The following RALGAPB variants were observed in gnomAD, a reference collection of about 807,000 sequenced individuals.
The protein encoded by RALGAPB is Ral GTPase activating protein non-catalytic subunit beta.
Under a neutral mutation model 161.1 loss-of-function variants are expected in RALGAPB, and 25 were observed. The ratio of observed to expected loss-of-function variants is 0.16; its 90% confidence interval spans 0.11 to 0.22. RALGAPB has a LOEUF of 0.22. Among genes scored for constraint, RALGAPB ranks in the 10% least tolerant of loss-of-function variants. RALGAPB has a pLI of 1.00. For missense variants in RALGAPB, 1,391 were observed against 1,815.2 expected (o/e 0.77, Z 4.25); for synonymous variants, 629 against 626.1 (o/e 1.00, Z -0.07).
At chr20:38,484,625 G>C (rs2085065535) in intron 1 of RALGAPB, among the ~76,000 whole-genome samples, 1 of 152,140 alleles carries the variant, frequency 6.6e-6, no homozygotes, top group Admixed American at 6.5e-5. Flanking sequence ...CAGATTTTCT[G>C]TGTCTCTTCA....
At chr20:38,553,788 A>AAC (rs1386429773) in intron 21 of RALGAPB, 79 bp from the exon 22 acceptor site, 6 of 793,298 alleles carry the variant, frequency 7.6e-6, no homozygotes, top group East Asian at 6.4e-5. Context: ...AAAAAAAAAA[A>AAC]AAAAAAAAAA....
intron 23 of RALGAPB, among the ~76,000 whole-genome samples, chr20:38,559,565 G>T (rs781096129): frequency 6.6e-6 from 1 of 152,130 alleles, no homozygotes; most frequent in Non-Finnish European, 1.5e-5. Context: ...GTGGTGGCAG[G>T]CACCTGTAGT....
chr20:38,574,076 G>T, intron 28 of RALGAPB, 74 bp from the exon 29 acceptor site: 2 of 1,443,528 alleles, frequency 1.4e-6, no homozygotes, highest in Non-Finnish European at 1.9e-6. Flanking sequence ...GCTATATGTG[G>T]GGGACTTCAA....
chr20:38,554,242 A>G (rs1032491123), intron 22 of RALGAPB, among the ~76,000 whole-genome samples, 166 bp downstream of exon 22: 1 of 152,002 alleles, frequency 6.6e-6, no homozygotes, highest in Non-Finnish European at 1.5e-5. Context: ...TGTAGGTTAT[A>G]GTTTGTGCTC....
At chr20:38,486,584 CT>C (rs1018147566) in intron 1 of RALGAPB, among the ~76,000 whole-genome samples, 2 of 152,146 alleles carry the variant, frequency 1.3e-5, no homozygotes, top group African/African-American at 2.4e-5. Flanking sequence ...CTTTCCTCCC[CT>C]GATGATTCTT....
chr20:38,526,790 CCTGAAAAT>C (rs2086485724), intron 13 of RALGAPB, among the ~76,000 whole-genome samples: 1 of 152,062 alleles, frequency 6.6e-6, no homozygotes, highest in African/African-American at 2.4e-5. Context: ...GTCTTATCTC[CCTGAAAAT>C]CTTCAGAGAG....
chr20:38,575,764 A>G lies in RALGAPB; in HGVS notation c.*797A>G, dbSNP rs1335993479. On this transcript the variant is annotated 3_prime_UTR_variant, in exon 30 of 30. Coordinates refer to ENST00000262879, the MANE Select transcript of RALGAPB (RefSeq NM_020336.4). ...CATTATTGTCCAGCGGGGTGACATA[A>G]TGACAGGTTAAATATTTGTGATTCA... is the stretch of plus-strand genomic sequence containing the variant. The G allele has an allele frequency of 2.0e-5, 3 of 152,316 alleles. No individual in the cohort carries two copies. Among genetic ancestry groups the G allele is most frequent in the Non-Finnish European group, 4.4e-5 (3 of 68,040 alleles). 9.4% of individuals were successfully genotyped at this position (152,316 alleles called of 1,614,324 possible). A position where few individuals can be genotyped will look rare whatever the true frequency, so the allele number is the denominator to read the frequency against.
Position 38,531,189 on chromosome 20 carries a change from A to G in RALGAPB, c.2073A>G (p.Gln691=). 1 of 1,610,856 alleles carries G rather than the reference A, an allele frequency of 6.2e-7. No homozygotes were observed. Among genetic ancestry groups the G allele is most frequent in the Non-Finnish European group, 8.5e-7 (1 of 1,177,220 alleles). ...MILGAMLNIV[Q]DSALLEAIGC... is the part of the protein sequence containing the mutation. ...TAGGGGCAATGTTAAATATTGTTCA[A>G]GATTCAGCACTTTTGGAAGCCATTG... is the stretch of plus-strand genomic sequence containing the variant. The change falls in exon 14 of 30, where the codon CAA becomes CAG. Residue 691 remains glutamine, a synonymous_variant. Transcript: ENST00000262879.
intron 11 of RALGAPB, among the ~76,000 whole-genome samples, 163 bp from the exon 12 acceptor site, chr20:38,525,241 A>G (rs2086423164): frequency 1.3e-5 from 2 of 152,358 alleles, no homozygotes; most frequent in East Asian, 1.9e-4. Context: ...AAAGAAATCA[A>G]TCAATCAACT....
chr20:38,510,706 C>G lies in RALGAPB; in HGVS notation c.872+1498C>G, dbSNP rs561847932. 1.7e-5 allele frequency among the ~76,000 whole-genome samples: 2 copies of G among 120,534 alleles called. 1 individual carries two copies. The highest frequency in any genetic ancestry group is 1.3e-4 in the African/African-American group (2 of 15,620). 79.1% of individuals were successfully genotyped at this position (120,534 alleles called of 152,430 possible). A position where few individuals can be genotyped will look rare whatever the true frequency, so the allele number is the denominator to read the frequency against. ...CGGGCGGATCACGAGGTCAGGAGAT[C>G]GAGACCATCCCGGCTAAAACGGTGA... On this transcript the variant is annotated intron_variant, in intron 6 of 29. Coordinates refer to ENST00000262879, the MANE Select transcript of RALGAPB (RefSeq NM_020336.4).
chr20:38,512,198 C>A (rs1309695823), intron 6 of RALGAPB, among the ~76,000 whole-genome samples: 1 of 152,152 alleles, frequency 6.6e-6, no homozygotes, highest in Non-Finnish European at 1.5e-5. Context: ...TTTTTTACTG[C>A]ATGTTATTTT....
Position 38,553,877 on chromosome 20 carries a change from G to A in RALGAPB, c.3173G>A (p.Arg1058Lys). The change falls in exon 22 of 30, where the codon AGA (arginine) becomes AAA (lysine). Residue 1058 changes from arginine to lysine, a missense_variant. By Grantham distance (26) the Arg-to-Lys change is conservative (BLOSUM62 2). Transcript: ENST00000262879. ...TTTGGTTTATTACAGTTAGAAGAGA[G>A]ACACGAAAAATTAAGGAGTGGCATG... The part of the protein sequence containing the change: ...HEIVTEELEE[R>K]HEKLRSGMAQ... 1 of 1,607,396 alleles carries A rather than the reference G, an allele frequency of 6.2e-7. No individual in the cohort carries two copies. Among genetic ancestry groups the A allele is most frequent in the African/African-American group, 1.3e-5 (1 of 74,534 alleles).
chr20:38,554,626 C>T (rs1296711802), intron 22 of RALGAPB, among the ~76,000 whole-genome samples: 1 of 152,144 alleles, frequency 6.6e-6, no homozygotes, highest in Admixed American at 6.5e-5. Context: ...CTTAGTTCCT[C>T]ATCATCTATA....
intron 5 of RALGAPB, among the ~76,000 whole-genome samples, chr20:38,507,613 A>G (rs1282669381): frequency 6.6e-6 from 1 of 152,190 alleles, no homozygotes; most frequent in African/African-American, 2.4e-5. Context: ...TCCTGGACTC[A>G]AGTGATCCAC....
At chr20:38,531,807 A>G (rs1293958951) in intron 14 of RALGAPB, among the ~76,000 whole-genome samples, 2 of 152,132 alleles carry the variant, frequency 1.3e-5, no homozygotes, top group Non-Finnish European at 2.9e-5. Flanking sequence ...TAGATGTAAG[A>G]TGGGTGATCA....
rs2084698789 is a variant in RALGAPB, at chr20:38,473,123, C to T, written c.-31+54C>T. 6 of 337,554 alleles carry T rather than the reference C, an allele frequency of 1.8e-5. No homozygotes were observed. The Admixed American group carries it at 2.9e-4, about 16-fold the overall frequency. 20.9% of individuals were successfully genotyped at this position (337,554 alleles called of 1,614,324 possible). A position where few individuals can be genotyped will look rare whatever the true frequency, so the allele number is the denominator to read the frequency against. On this transcript the variant is annotated intron_variant, in intron 1 of 29. Transcript: ENST00000262879. ...CGGACCCTCCCCTCTCCTTCCCTCT[C>T]TTCCCCACCTGGCGGTCAAGGGACG...
At chr20:38,533,307 G>A (rs2086711570) in intron 15 of RALGAPB, among the ~76,000 whole-genome samples, 1 of 152,128 alleles carries the variant, frequency 6.6e-6, no homozygotes, top group South Asian at 2.1e-4. Context: ...ACCCCCTACT[G>A]TAGCTCACTA....
At chr20:38,505,181 G>T (rs1288824068) in intron 5 of RALGAPB, among the ~76,000 whole-genome samples, 1 of 152,212 alleles carries the variant, frequency 6.6e-6, no homozygotes, top group Non-Finnish European at 1.5e-5. Flanking sequence ...CAGCCTAGAT[G>T]CCCGTCGGTG....
At chr20:38,474,813 G>T (rs2084757850) in intron 1 of RALGAPB, among the ~76,000 whole-genome samples, 1 of 152,164 alleles carries the variant, frequency 6.6e-6, no homozygotes, top group Non-Finnish European at 1.5e-5. Flanking sequence ...CCAGTGCTTT[G>T]ACATACAGAC....
Sources: allele counts gnomAD v4.1 joint callset (sites outside exome capture counted in the v4.1 genomes callset), GRCh38; gene constraint gnomAD v4.1.1; transcripts MANE v1.5; gene names NCBI Gene and HGNC (gene_info 2026-07-23, HGNC 2026-07-21).